Variants in UGT2A1 observed in about 807,000 individuals in gnomAD.
The protein encoded by UGT2A1 is UDP-glucuronosyltransferase 2A1.
In UGT2A1, 61 loss-of-function variants were observed where a neutral mutation model predicts 45.4. The observed-to-expected ratio is 1.34, with a 90% CI of 1.09 to 1.66. The LOEUF is 1.66. Among genes scored for constraint, UGT2A1 ranks in the 40% most tolerant of loss-of-function variants. The pLI, the probability that UGT2A1 is intolerant of heterozygous loss-of-function variation, is 0.00. For synonymous variants in UGT2A1, 229 were observed against 196.2 expected, an observed-to-expected ratio of 1.17 and a Z score of -1.40; for missense variants, 649 against 574.3, an observed-to-expected ratio of 1.13 and a Z score of -1.33.
chr4:69,635,050 T>C (rs1351596324), intron 3 of UGT2A1, among the ~76,000 whole-genome samples: 3 of 152,140 alleles, frequency 2.0e-5, no homozygotes, highest in Non-Finnish European at 4.4e-5. Flanking sequence ...TTACATTGCA[T>C]GTCTGTATCA....
intron 2 of UGT2A1, among the ~76,000 whole-genome samples, chr4:69,642,765 T>A (rs1446234094): frequency 6.6e-6 from 1 of 151,618 alleles, no homozygotes; most frequent in African/African-American, 2.4e-5. Context: ...TATAATGTTA[T>A]GTATTTTTAC....
At chr4:69,637,745 T>G (rs753034056) in intron 2 of UGT2A1, among the ~76,000 whole-genome samples, 2 of 152,154 alleles carry the variant, frequency 1.3e-5, no homozygotes, top group Non-Finnish European at 2.9e-5. Flanking sequence ...AGAATGTAAG[T>G]TCCATGAGAT....
In UGT2A1 at chr4:69,594,548, C is replaced by T. The variant is rs747112801; in HGVS notation, c.1233G>A (p.Val411=). 3.7e-6 allele frequency: 6 copies of T among 1,614,016 alleles called. No individual in the cohort carries two copies. In the African/African-American group the frequency reaches 8.0e-5, roughly 22 times the overall value. The change falls in exon 6 of 7, where the codon GTG becomes GTA. Residue 411 remains valine (V), a synonymous_variant. Transcript: ENST00000286604. ...TTGTCATTGTGTTTAGGTTCACTTC[C>T]ACAGCTGCTCCTTTGGCCTTCATGT... The part of the protein sequence containing the change: ...IAHMKAKGAA[V]EVNLNTMTSV...
chr4:69,595,737 T>C (rs1329854040), intron 4 of UGT2A1, among the ~76,000 whole-genome samples: 1 of 152,224 alleles, frequency 6.6e-6, no homozygotes, highest in African/African-American at 2.4e-5. Context: ...ATTTGAATTT[T>C]AATTGTTTTT....
chr4:69,646,394 G>A (rs1297398563), intron 2 of UGT2A1, among the ~76,000 whole-genome samples: 1 of 151,612 alleles, frequency 6.6e-6, no homozygotes, highest in African/African-American at 2.4e-5. Context: ...AGCTTAGCAT[G>A]GATAAATCAC....
At chr4:69,614,643 T>G (rs930379508) in intron 3 of UGT2A1, among the ~76,000 whole-genome samples, 1 of 151,936 alleles carries the variant, frequency 6.6e-6, no homozygotes, top group Non-Finnish European at 1.5e-5. Flanking sequence ...TGGAATAGAA[T>G]AATGGACACA....
chr4:69,652,099 A>G (rs1448455879), intron 1 of UGT2A1, among the ~76,000 whole-genome samples: 1 of 152,066 alleles, frequency 6.6e-6, no homozygotes, highest in Non-Finnish European at 1.5e-5. Context: ...CCCCCCAGTC[A>G]AATTCTTACT....
rs1182553706 is a variant in UGT2A1 at position 69,647,657 on chromosome 4, T to G, written c.-13A>C. ...GGTTGTTTAACATGATGTGGCTTGA[T>G]GCAGAAGATTTGATGAGATGTGAAG... On this transcript the variant is annotated 5_prime_UTR_variant, in exon 2 of 7. Coordinates refer to ENST00000286604, the MANE Select transcript of UGT2A1 (RefSeq NM_001252275.3). 9 of 1,504,754 alleles carry G rather than the reference T, an allele frequency of 6.0e-6. No homozygotes were observed. The East Asian group carries it at 1.1e-4, about 19-fold the overall frequency. The allele number at this position is 1,504,754 out of a possible 1,614,324, so 93.2% of individuals were successfully genotyped here. A position where few individuals can be genotyped will look rare whatever the true frequency, so the allele number is the denominator to read the frequency against.
At chr4:69,633,329 A>C (rs1721490378) in intron 3 of UGT2A1, among the ~76,000 whole-genome samples, 1 of 152,212 alleles carries the variant, frequency 6.6e-6, no homozygotes, top group African/African-American at 2.4e-5. Flanking sequence ...CCAAGTGTTG[A>C]TGACAATGGA....
At position 69,639,496 on chromosome 4, in the gene UGT2A1, G is replaced by T. The variant is rs950370348; in HGVS notation, c.716-3674C>A. 3.1e-6 allele frequency: 5 copies of T among 1,613,100 alleles called. 1 individual carries two copies. Among genetic ancestry groups the T allele is most frequent in the Non-Finnish European group, 4.2e-6 (5 of 1,179,542 alleles). On this transcript the variant is annotated intron_variant, in intron 2 of 6. Transcript: ENST00000286604. The stretch of plus-strand genomic sequence containing the variant: ...TGATTTCTTTGAATCAACTCTTCTA[G>T]AATAATCTTAATATTTAACCAATGG...
At position 69,610,332 on chromosome 4, in the gene UGT2A1, C is replaced by T. The variant is rs182474375; in HGVS notation, c.848-10938G>A. 3.3e-5 allele frequency among the ~76,000 whole-genome samples: 5 copies of T among 152,208 alleles called. No homozygotes were observed. The East Asian group carries it at 9.7e-4, about 29-fold the overall frequency. Reference sequence around the variant, plus strand: ...TGCTTAATCATTTAGCATTTACCCTCAGACATTTTCTGGGGCAGGGTACAA... The same window carrying T: ...TGCTTAATCATTTAGCATTTACCCTTAGACATTTTCTGGGGCAGGGTACAA... On this transcript the variant is annotated intron_variant, in intron 3 of 6. Transcript: ENST00000286604.
chr4:69,608,078 C>G (rs1577962601), intron 3 of UGT2A1, among the ~76,000 whole-genome samples: 1 of 152,026 alleles, frequency 6.6e-6, no homozygotes, highest in African/African-American at 2.4e-5. Flanking sequence ...GCGTATATAC[C>G]CAAAGGATCA....
chr4:69,594,637 T>C lies in UGT2A1; in HGVS notation c.1144A>G (p.Ile382Val), dbSNP rs1310593746. 1.2e-6 allele frequency: 2 copies of C among 1,613,984 alleles called. No homozygotes were observed. Among genetic ancestry groups the C allele is most frequent in the Middle Eastern group, 1.6e-4 (1 of 6,082 alleles). Residue 382 changes from isoleucine (I) to valine (V), a missense_variant, in exon 6 of 7, where the codon ATT (isoleucine) becomes GTT (valine). Transcript: ENST00000286604. ...CCCACCATAGGGACTCCGTGGTAAA[T>C]AGCTTCGTAGATCCCATTAGTTCCA... Reference protein sequence around the residue: ...HGGTNGIYEAIYHGVPMVGVP... With the variant: ...HGGTNGIYEAVYHGVPMVGVP...
At chr4:69,604,116 C>G (rs1300044212) in intron 3 of UGT2A1, among the ~76,000 whole-genome samples, 1 of 135,626 alleles carries the variant, frequency 7.4e-6, no homozygotes, top group Non-Finnish European at 1.6e-5. Context: ...ACATAATTGT[C>G]AGACTCACCA....
rs114315565 is a variant in UGT2A1, at chr4:69,652,976, G to A, written c.-55+212C>T. Among the ~76,000 whole-genome samples, 1,504 of 152,224 alleles carry A rather than the reference G, an allele frequency of 9.9e-3. 25 individuals carry two copies. The highest frequency in any genetic ancestry group is 0.033 in the African/African-American group (1,371 of 41,534). ...ACTGCTCTGTCCACACAGTTCCCTC[G>A]ATATCTGTAAAATTATTTTGAAGTA... On this transcript the variant is annotated intron_variant, in intron 1 of 6. Coordinates refer to ENST00000286604, the MANE Select transcript of UGT2A1 (RefSeq NM_001252275.3).
chr4:69,618,978 T>G (rs1401885712), intron 3 of UGT2A1, among the ~76,000 whole-genome samples: 1 of 151,864 alleles, frequency 6.6e-6, no homozygotes, highest in Non-Finnish European at 1.5e-5. Context: ...AATGTTGAAT[T>G]TTATAATTTA....
intron 3 of UGT2A1, among the ~76,000 whole-genome samples, chr4:69,632,027 C>A (rs1721417145): frequency 6.6e-6 from 1 of 152,058 alleles, no homozygotes; most frequent in African/African-American, 2.4e-5. Context: ...ATTAGTTTTT[C>A]TTTATTCCTA....
At chr4:69,618,207 G>GTC (rs1260210138) in intron 3 of UGT2A1, among the ~76,000 whole-genome samples, 4 of 72,718 alleles carry the variant, frequency 5.5e-5, no homozygotes, top group Non-Finnish European at 1.3e-4. Context: ...GTGTGTGTGT[G>GTC]TGTGTGTGTA....
In UGT2A1 at chr4:69,635,698, C is replaced by A; in HGVS notation, c.840G>T (p.Leu280=). The A allele has an allele frequency of 3.5e-6, 1 of 284,868 alleles. No individual in the cohort carries two copies. Among genetic ancestry groups the A allele is most frequent in the African/African-American group, 2.3e-5 (1 of 42,942 alleles). 17.6% of individuals were successfully genotyped at this position (284,868 alleles called of 1,614,324 possible). The stretch of plus-strand genomic sequence containing the variant: ...TACAAAAATTAGCCTGACCTGCTGG[C>A]AGCCTGTAATCCCAACTACAATGGA... ...LSLHCSWDYR[L]PAGRPTTLCE... Residue 280 remains leucine, a synonymous_variant, in exon 3 of 7, where the codon CTG becomes CTT. Transcript: ENST00000286604.
Sources: gnomAD v4.1 joint callset for allele counts (sites outside exome capture counted in the v4.1 genomes callset) on GRCh38, gnomAD v4.1.1 for gene constraint, MANE v1.5 for transcripts, NCBI Gene and HGNC (gene_info 2026-07-23, HGNC 2026-07-21) for gene names.